PPP1R1C: variants seen among roughly 807,000 people sequenced by gnomAD.
PPP1R1C encodes the protein protein phosphatase 1 regulatory subunit 1C.
PPP1R1C carries 15 observed loss-of-function variants against 17.4 expected under a neutral mutation model. The ratio of observed to expected loss-of-function variants is 0.86; its 90% CI spans 0.58 to 1.33. PPP1R1C has a LOEUF of 1.33. PPP1R1C is among the 40% of genes most tolerant of loss of function. The pLI is 0.00. For missense variants in PPP1R1C, 143 were observed against 130.0 expected, an observed-to-expected ratio of 1.10 and a Z score of -0.48; for synonymous variants, 35 against 43.1, an observed-to-expected ratio of 0.81 and a Z score of 0.73.
chr2:182,076,181 CT>C (rs1319925818), intron 4 of PPP1R1C, among the ~76,000 whole-genome samples: 1,462 of 47,442 alleles, frequency 0.031, 28 homozygotes, highest in Middle Eastern at 0.14. Flanking sequence ...GGATTTTGAA[CT>C]TTTTTTTTTC....
At chr2:181,956,674 T>G in intron 1 of PPP1R1C, among the ~76,000 whole-genome samples, 1 of 152,374 alleles carries the variant, frequency 6.6e-6, no homozygotes, top group Non-Finnish European at 1.5e-5. Flanking sequence ...TCATGTTTTT[T>G]TGGCCACATA....
At chr2:182,073,682 A>G (rs1370311398) in intron 4 of PPP1R1C, among the ~76,000 whole-genome samples, 1 of 152,252 alleles carries the variant, frequency 6.6e-6, no homozygotes, top group African/African-American at 2.4e-5. Flanking sequence ...AAGACTGTAC[A>G]GAAGAAATGA....
intron 2 of PPP1R1C, among the ~76,000 whole-genome samples, chr2:182,002,932 C>A (rs867944402): frequency 0.014 from 1,888 of 133,186 alleles, 38 homozygotes; most frequent in Middle Eastern, 0.037. Flanking sequence ...CATAAACCTC[C>A]CCCCCCCCAC....
chr2:182,112,092 CT>C (rs1289161565), intron 4 of PPP1R1C, among the ~76,000 whole-genome samples: 4 of 152,174 alleles, frequency 2.6e-5, no homozygotes, highest in Non-Finnish European at 5.9e-5. Flanking sequence ...ACTGAATTAG[CT>C]TCATTACATG....
intron 4 of PPP1R1C, 112 bp downstream of exon 4, chr2:182,063,903 A>G (rs2125198504): frequency 1.2e-6 from 1 of 825,090 alleles, no homozygotes; most frequent in Non-Finnish European, 2.1e-6. Context: ...TCTCAGCTCT[A>G]CAACTTAACA....
intron 2 of PPP1R1C, among the ~76,000 whole-genome samples, chr2:182,024,088 T>G (rs1686516940): frequency 6.6e-6 from 1 of 152,218 alleles, no homozygotes; most frequent in Non-Finnish European, 1.5e-5. Flanking sequence ...AGACAAATTA[T>G]TTTTGTATTT....
chr2:181,977,772 G>A (rs1574348123), intron 2 of PPP1R1C, among the ~76,000 whole-genome samples: 1 of 152,248 alleles, frequency 6.6e-6, no homozygotes, highest in East Asian at 1.9e-4. Context: ...GCTCCACTAT[G>A]TTGAGGGCCT....
chr2:182,011,670 T>C (rs1190372523), intron 2 of PPP1R1C, among the ~76,000 whole-genome samples: 1 of 152,098 alleles, frequency 6.6e-6, no homozygotes, highest in East Asian at 1.9e-4. Flanking sequence ...AGGTTTGGTT[T>C]GCTCTTGCTT....
intron 4 of PPP1R1C, among the ~76,000 whole-genome samples, chr2:182,089,363 C>T (rs527639402): frequency 4.6e-5 from 7 of 152,268 alleles, no homozygotes; most frequent in Admixed American, 3.9e-4. Context: ...TTAATTCTTA[C>T]TTGTGGTTTT....
chr2:181,971,598 C>A (rs921722643), intron 1 of PPP1R1C, among the ~76,000 whole-genome samples: 1 of 152,144 alleles, frequency 6.6e-6, no homozygotes, highest in Non-Finnish European at 1.5e-5. Flanking sequence ...ACGTTCCCTG[C>A]AAGTCCCCTC....
At chr2:182,060,582 C>T (rs1319473846) in intron 2 of PPP1R1C, among the ~76,000 whole-genome samples, 2 of 151,988 alleles carry the variant, frequency 1.3e-5, no homozygotes, top group Non-Finnish European at 2.9e-5. Flanking sequence ...AATAAAAATA[C>T]CATTCATTTA....
chr2:182,051,212 GTGCAAAATA>G (rs1687506576), intron 2 of PPP1R1C, among the ~76,000 whole-genome samples: 1 of 152,130 alleles, frequency 6.6e-6, no homozygotes, highest in Non-Finnish European at 1.5e-5. Flanking sequence ...AGTGTTTTTT[GTGCAAAATA>G]TGTTCTTAGT....
At chr2:182,009,882 TCCTTC>T (rs759147511) in intron 2 of PPP1R1C, among the ~76,000 whole-genome samples, 1 of 152,122 alleles carries the variant, frequency 6.6e-6, no homozygotes, top group Non-Finnish European at 1.5e-5. Context: ...AAAGAGACTG[TCCTTC>T]CCTTGTTATA....
Position 182,074,466 on chromosome 2 carries a change from C to A in PPP1R1C, c.241+10675C>A, listed in dbSNP as rs148372835. On this transcript the variant is annotated intron_variant, in intron 4 of 4. Coordinates refer to ENST00000682840, the MANE Select transcript of PPP1R1C (RefSeq NM_001080545.3). ...TTTTTCTTTCATGCATTTAGACTTT[C>A]TAAGTAGTAGCTATGACTTTGATAT... 8.0e-3 allele frequency among the ~76,000 whole-genome samples: 1,213 copies of A among 152,218 alleles called. 21 individuals carry two copies. Among genetic ancestry groups the A allele is most frequent in the African/African-American group, 0.027 (1,139 of 41,516 alleles).
intron 4 of PPP1R1C, among the ~76,000 whole-genome samples, chr2:182,074,617 A>G (rs1688240260): frequency 6.6e-6 from 1 of 152,198 alleles, no homozygotes; most frequent in South Asian, 2.1e-4. Flanking sequence ...TTAAGATTAC[A>G]TTCTTCACAA....
chr2:181,960,043 A>G (rs1684739392), intron 1 of PPP1R1C, among the ~76,000 whole-genome samples: 1 of 152,224 alleles, frequency 6.6e-6, no homozygotes, highest in African/African-American at 2.4e-5. Flanking sequence ...GAGTCTTACA[A>G]AATAAAAGGT....
At chr2:182,047,710 CTT>C (rs1687387860) in intron 2 of PPP1R1C, among the ~76,000 whole-genome samples, 1 of 152,044 alleles carries the variant, frequency 6.6e-6, no homozygotes, top group African/African-American at 2.4e-5. Context: ...TAAAATATGT[CTT>C]ATAAGAGAAA....
chr2:182,115,369 T>G (rs557029339), intron 4 of PPP1R1C, among the ~76,000 whole-genome samples: 6 of 152,308 alleles, frequency 3.9e-5, no homozygotes, highest in African/African-American at 1.2e-4. Flanking sequence ...CCTCATTAAT[T>G]CATTCAGTAT....
intron 2 of PPP1R1C, among the ~76,000 whole-genome samples, chr2:181,999,068 A>G (rs1367723621): frequency 6.6e-6 from 1 of 152,190 alleles, no homozygotes; most frequent in Non-Finnish European, 1.5e-5. Flanking sequence ...AAATATTTTC[A>G]CACATTCTAG....
Sources: allele counts gnomAD v4.1 joint callset (sites outside exome capture counted in the v4.1 genomes callset), GRCh38; gene constraint gnomAD v4.1.1; transcripts MANE v1.5; gene names NCBI Gene and HGNC (gene_info 2026-07-23, HGNC 2026-07-21).